Variants in CD6 observed in about 807,000 individuals in gnomAD.
CD6 encodes the protein CD6 molecule.
CD6 carries 53 observed loss-of-function variants against 75.3 expected under a neutral mutation model. The observed-to-expected ratio is 0.70, with a 90% confidence interval of 0.56 to 0.88. CD6 has a LOEUF of 0.88. Ranked by LOEUF, CD6 falls within the 40% of genes least tolerant of loss-of-function variation. The pLI is 0.00. For missense variants in CD6, 770 were observed against 897.1 expected (o/e 0.86, Z 1.81); for synonymous variants, 359 against 381.5 (o/e 0.94, Z 0.69).
At chr11:60,990,591 G>A (rs752618365) in intron 1 of CD6, among the ~76,000 whole-genome samples, 2 of 152,026 alleles carry the variant, frequency 1.3e-5, no homozygotes, top group South Asian at 2.1e-4. Context: ...CACTTTTGCC[G>A]TATTTGCTCA....
rs143916247 is a variant in CD6, at chr11:60,982,743, C to T, written c.49+10829C>T. ...GAAACCCCAGCGAGCTGCCAGCCAT[C>T]TCCTGTTTGTCAGAGGAGGAAAGCG... On this transcript the variant is annotated intron_variant, in intron 1 of 12. Transcript: ENST00000313421. 3.7e-4 allele frequency: 169 copies of T among 456,052 alleles called. 1 individual carries two copies. The highest frequency in any genetic ancestry group is 3.2e-3 in the East Asian group (46 of 14,386). 28.3% of individuals were successfully genotyped at this position (456,052 alleles called of 1,614,324 possible).
chr11:61,008,582 G>T lies in CD6; in HGVS notation c.518G>T (p.Arg173Leu). The change falls in exon 4 of 13, where the codon CGC becomes CTC. Residue 173 changes from arginine (R) to leucine (L), a missense_variant. Transcript: ENST00000313421. ...LVDGGGACAGRVEMLEHGEWG... is the reference protein window; with the variant it reads ...LVDGGGACAGLVEMLEHGEWG... ...GACGGTGGCGGCGCCTGCGCCGGCCGCGTGGAGATGCTGGAGCATGGCGAG... is the reference window on the plus strand; with the variant it reads ...GACGGTGGCGGCGCCTGCGCCGGCCTCGTGGAGATGCTGGAGCATGGCGAG... 6.2e-7 allele frequency: 1 copy of T among 1,607,606 alleles called. No homozygotes were observed. Among genetic ancestry groups the T allele is most frequent in the Admixed American group, 1.7e-5 (1 of 59,418 alleles).
intron 1 of CD6, among the ~76,000 whole-genome samples, chr11:60,992,656 G>A (rs565264211): frequency 4.2e-4 from 64 of 151,480 alleles, no homozygotes; most frequent in East Asian, 3.1e-3. Context: ...GGTGAAACCC[G>A]GTCTCTACTA....
At position 61,013,491 on chromosome 11, in the gene CD6, G is replaced by A. The variant is rs200814552; in HGVS notation, c.1219G>A (p.Val407Ile). Residue 407 changes from valine (V) to isoleucine (I), a missense_variant, in exon 7 of 13, where the codon GTT becomes ATT. By Grantham distance (29) the Val-to-Ile change is conservative (BLOSUM62 3). Transcript: ENST00000313421. Reference protein sequence around the residue: ...RELMLLIPSIVLGILLLGSLI... With the variant: ...RELMLLIPSIILGILLLGSLI... ...GCTAATGCTCCTCATCCCCTCCATC[G>A]TTCTGGGAATTCTCCTCCTTGGCTC... 16 of 1,613,844 alleles carry A rather than the reference G, an allele frequency of 9.9e-6. No homozygotes were observed. Among genetic ancestry groups the A allele is most frequent in the East Asian group, 2.2e-5 (1 of 44,882 alleles).
At chr11:60,983,237 C>T (rs1857655461) in intron 1 of CD6, among the ~76,000 whole-genome samples, 1 of 151,960 alleles carries the variant, frequency 6.6e-6, no homozygotes, top group Admixed American at 6.6e-5. Context: ...GCTGGGACTA[C>T]AGTCCCGCAC....
intron 1 of CD6, among the ~76,000 whole-genome samples, chr11:60,983,480 C>T (rs1327740051): frequency 6.6e-6 from 1 of 152,172 alleles, no homozygotes; most frequent in Non-Finnish European, 1.5e-5. Flanking sequence ...CCATGCTCTT[C>T]CCTCAGACTC....
At chr11:60,992,224 T>A (rs1459388356) in intron 1 of CD6, among the ~76,000 whole-genome samples, 19 of 151,658 alleles carry the variant, frequency 1.3e-4, no homozygotes, top group Non-Finnish European at 2.9e-5. Context: ...AGGGTCTCAC[T>A]GTGTTGCCCA....
chr11:61,017,462 A>G lies in CD6; in HGVS notation c.1511-17A>G, dbSNP rs2074231. The stretch of plus-strand genomic sequence containing the variant: ...GGTTGAGCCTTCACCCCTCCCCACC[A>G]CCGCCTCTGCTTGCAGATTCCCAGC... On this transcript the variant is annotated splice_polypyrimidine_tract_variant and intron_variant, in intron 9 of 12. Coordinates refer to ENST00000313421, the MANE Select transcript of CD6 (RefSeq NM_006725.5). 0.62 allele frequency: 948,974 copies of G among 1,538,690 alleles called. 303,731 individuals are homozygous for G. The highest frequency in any genetic ancestry group is 0.81 in the Middle Eastern group (3,547 of 4,374).
chr11:61,015,469 G>A (rs749179218), intron 8 of CD6: 1 of 460,640 alleles, frequency 2.2e-6, no homozygotes, highest in South Asian at 3.4e-5. Flanking sequence ...TACTCGGGAG[G>A]CTGAGGTGGG....
Position 61,007,833 on chromosome 11 carries a change from G to A in CD6, c.392G>A (p.Gly131Asp), listed in dbSNP as rs1858943418. 1.4e-6 allele frequency: 2 copies of A among 1,433,948 alleles called. No homozygotes were observed. Among genetic ancestry groups the A allele is most frequent in the Admixed American group, 2.9e-5 (1 of 34,492 alleles). The allele number at this position is 1,433,948 out of a possible 1,614,324, so 88.8% of individuals were successfully genotyped here. A position where few individuals can be genotyped will look rare whatever the true frequency, so the allele number is the denominator to read the frequency against. ...GGGGCGCCCGCCCTCCTGTGCAGCG[G>A]CGCCGAGTGGCGGCTCTGCGAGGTG... ...LAGAPALLCS[G>D]AEWRLCEVVE... is the part of the protein sequence containing the mutation. The change falls in exon 3 of 13, where the codon GGC becomes GAC. Residue 131 changes from glycine (G) to aspartate (D), a missense_variant. Transcript: ENST00000313421. This position sits in a 1 kb window ranked among gnomAD's most constrained non-coding sequence, Gnocchi z 4.2.
At chr11:60,984,424 T>C (rs1462044154) in intron 1 of CD6, among the ~76,000 whole-genome samples, 1 of 152,150 alleles carries the variant, frequency 6.6e-6, no homozygotes, top group East Asian at 1.9e-4. Flanking sequence ...GTGGCTGCTG[T>C]CTTGCCCCGC....
chr11:60,985,381 C>A (rs890041610), intron 1 of CD6, among the ~76,000 whole-genome samples: 1 of 151,716 alleles, frequency 6.6e-6, no homozygotes, highest in African/African-American at 2.4e-5. Context: ...GACGGGGTTT[C>A]GCCATGTTAG....
chr11:61,000,221 A>G (rs1161609909), intron 1 of CD6, among the ~76,000 whole-genome samples: 2 of 152,148 alleles, frequency 1.3e-5, no homozygotes, highest in Admixed American at 1.3e-4. Context: ...TATTTAGGAT[A>G]AGTTCCCAGA....
intron 8 of CD6, 40 bp downstream of exon 8, chr11:61,014,054 G>A: frequency 2.1e-6 from 3 of 1,460,504 alleles, no homozygotes; most frequent in South Asian, 2.4e-5. Flanking sequence ...GGGCTGGGGA[G>A]GACAAGAAGG....
At chr11:60,991,149 C>CTTTTTTTTTTTTTTTTTTTTTTTTTTT (rs58123378) in intron 1 of CD6, among the ~76,000 whole-genome samples, 1 of 114,712 alleles carries the variant, frequency 8.7e-6, no homozygotes, top group African/African-American at 3.3e-5. Context: ...CTTTTTCTTT[C>CTTTTTTTTTTTTTTTTTTTTTTTTTTT]TTTTTTTTTT....
rs575455468 is a variant in CD6 at position 60,985,400 on chromosome 11, G to A, written c.49+13486G>A. On this transcript the variant is annotated intron_variant, in intron 1 of 12. Transcript: ENST00000313421. ...GGGTTTCGCCATGTTAGCCAGGCTGGTCTCAAACTCCTGGCCTCAGGTGAT... is the reference window on the plus strand; with the variant it reads ...GGGTTTCGCCATGTTAGCCAGGCTGATCTCAAACTCCTGGCCTCAGGTGAT... Among the ~76,000 whole-genome samples the A allele has an allele frequency of 2.3e-4, 35 of 151,944 alleles. 1 individual carries two copies. The South Asian group carries it at 7.3e-3, about 32-fold the overall frequency.
rs913846255 is a variant in CD6, at chr11:61,009,794, T to G, written c.1004T>G (p.Leu335Arg). The G allele has an allele frequency of 1.2e-6, 2 of 1,610,562 alleles. No individual in the cohort carries two copies. Among genetic ancestry groups the G allele is most frequent in the Non-Finnish European group, 8.5e-7 (1 of 1,178,152 alleles). ...RMYYSCNGEELTLSNCSWRFN... is the reference protein window; with the variant it reads ...RMYYSCNGEERTLSNCSWRFN... ...TACTACTCATGCAATGGGGAGGAGC[T>G]CACCCTCTCCAACTGCTCCTGGCGG... The change falls in exon 5 of 13, where the codon CTC (leucine) becomes CGC (arginine). Residue 335 changes from leucine to arginine, a missense_variant. Leu to Arg is a moderately radical substitution (Grantham distance 102). Coordinates refer to ENST00000313421, the MANE Select transcript of CD6 (RefSeq NM_006725.5).
chr11:60,978,865 A>G (rs1046041693), intron 1 of CD6, among the ~76,000 whole-genome samples: 4 of 152,274 alleles, frequency 2.6e-5, no homozygotes, highest in Non-Finnish European at 4.4e-5. Flanking sequence ...AAGTTAATGT[A>G]GATGATGCAT....
rs1417553493 is a variant in CD6 at position 61,009,978 on chromosome 11, AATGGCACAT to A, written c.1084+111_1084+119del. ...GGACCACAATAGGCACCAGATCGGCAATGGCACATATGGCATAAGAAGGACTGTTGTCCT... is the reference window on the plus strand; with the variant it reads ...GGACCACAATAGGCACCAGATCGGCAATGGCATAAGAAGGACTGTTGTCCT... On this transcript the variant is annotated intron_variant, in intron 5 of 12. Coordinates refer to ENST00000313421, the MANE Select transcript of CD6 (RefSeq NM_006725.5). 2.1e-4 allele frequency: 231 copies of A among 1,124,362 alleles called. No individual in the cohort carries two copies. The African/African-American group carries it at 3.4e-3, about 17-fold the overall frequency. The allele number at this position is 1,124,362 out of a possible 1,614,324, so 69.6% of individuals were successfully genotyped here.
Sources: allele counts gnomAD v4.1 joint callset (sites outside exome capture counted in the v4.1 genomes callset), GRCh38; gene constraint gnomAD v4.1.1; non-coding constraint Gnocchi (gnomAD v3.1); transcripts MANE v1.5; gene names NCBI Gene and HGNC (gene_info 2026-07-23, HGNC 2026-07-21).